LARS2: variants seen among roughly 807,000 people sequenced by gnomAD.
LARS2 encodes the protein leucyl-tRNA synthetase 2, mitochondrial.
In LARS2, 81 loss-of-function variants were observed where a neutral mutation model predicts 116.6. The ratio of observed to expected loss-of-function variants is 0.69; its 90% CI spans 0.58 to 0.84. The LOEUF is 0.84. Among genes scored for constraint, LARS2 ranks in the 40% least tolerant of loss-of-function variants. The probability of loss-of-function intolerance (pLI) is 0.00; values close to 1 mark genes in which losing one functional copy is unlikely to be tolerated. For missense variants in LARS2, 968 were observed against 1,114.5 expected (o/e 0.87, Z 1.87); for synonymous variants, 396 against 407.2 (o/e 0.97, Z 0.33).
intron 7 of LARS2, among the ~76,000 whole-genome samples, chr3:45,457,741 C>G (rs1040936194): frequency 2.6e-5 from 4 of 152,166 alleles, no homozygotes; most frequent in African/African-American, 9.7e-5. Context: ...CCCCAACACA[C>G]CCCTCTGTAC....
intron 4 of LARS2, among the ~76,000 whole-genome samples, chr3:45,409,047 G>A (rs1698282403): frequency 6.6e-6 from 1 of 152,066 alleles, no homozygotes; most frequent in South Asian, 2.1e-4. Flanking sequence ...ATTTCAAAGT[G>A]TATTTTCAGT....
rs1028311134 is a variant in LARS2 at position 45,488,082 on chromosome 3, A to G, written c.1124-615A>G. ...AAGAAAGAGGCTTCCACAAATGCTT[A>G]TAATTTTTAGTGGCAAAAAAAAGCA... On this transcript the variant is annotated intron_variant, in intron 11 of 21. Coordinates refer to ENST00000645846, the MANE Select transcript of LARS2 (RefSeq NM_015340.4). Among the ~76,000 whole-genome samples the G allele has an allele frequency of 1.0e-3, 159 of 152,238 alleles. 1 individual carries two copies. Among genetic ancestry groups the G allele is most frequent in the African/African-American group, 3.5e-3 (145 of 41,540 alleles).
chr3:45,505,855 G>A (rs191461370), intron 15 of LARS2, among the ~76,000 whole-genome samples: 11 of 152,144 alleles, frequency 7.2e-5, no homozygotes, highest in Admixed American at 5.2e-4. Context: ...AGTATCCTAA[G>A]GTATAGGACA....
In LARS2 at chr3:45,458,610, C is replaced by G. The variant is rs1035667964; in HGVS notation, c.607-133C>G. The stretch of plus-strand genomic sequence containing the variant: ...GCTGAGGCAGGAGAATCACAGGAAC[C>G]TAGGAGGTGGAGGTTGCAGTGAGTC... On this transcript the variant is annotated intron_variant, in intron 7 of 21. Coordinates refer to ENST00000645846, the MANE Select transcript of LARS2 (RefSeq NM_015340.4). 5.0e-6 allele frequency: 4 copies of G among 803,458 alleles called. No individual in the cohort carries two copies. In the African/African-American group the frequency reaches 6.9e-5, roughly 14 times the overall value. The allele number at this position is 803,458 out of a possible 1,614,324, so 49.8% of individuals were successfully genotyped here. A position where few individuals can be genotyped will look rare whatever the true frequency, so the allele number is the denominator to read the frequency against.
chr3:45,544,226 CAA>C (rs1023482756), intron 21 of LARS2, among the ~76,000 whole-genome samples: 5 of 152,254 alleles, frequency 3.3e-5, no homozygotes, highest in Non-Finnish European at 5.9e-5. Context: ...GATACAGAGA[CAA>C]GAGCTACCGC....
chr3:45,446,120 C>A (rs1482053587), intron 6 of LARS2, among the ~76,000 whole-genome samples: 1 of 152,152 alleles, frequency 6.6e-6, no homozygotes, highest in Non-Finnish European at 1.5e-5. Context: ...TTGAAACATT[C>A]CCTCCCATCA....
intron 17 of LARS2, among the ~76,000 whole-genome samples, chr3:45,516,827 C>G (rs775317935): frequency 6.6e-6 from 1 of 152,158 alleles, no homozygotes; most frequent in Non-Finnish European, 1.5e-5. Context: ...TTCATCTCCC[C>G]ACTTAGGGGA....
intron 4 of LARS2, among the ~76,000 whole-genome samples, chr3:45,402,873 A>G (rs1030120059): frequency 1.3e-5 from 2 of 152,026 alleles, no homozygotes; most frequent in Non-Finnish European, 2.9e-5. Context: ...TGGGAGGCCG[A>G]AGTGGGCAGA....
chr3:45,448,492 AAC>A (rs369907676), intron 7 of LARS2, among the ~76,000 whole-genome samples: 3 of 151,546 alleles, frequency 2.0e-5, no homozygotes, highest in South Asian at 2.1e-4. Context: ...AGAGGAATTA[AAC>A]ACACACACAC....
intron 6 of LARS2, among the ~76,000 whole-genome samples, chr3:45,430,903 G>T (rs1698701444): frequency 6.6e-6 from 1 of 152,090 alleles, no homozygotes. Flanking sequence ...ATTTTTTAAT[G>T]GTTGTTATGG....
At chr3:45,504,861 C>T (rs1700175529) in intron 15 of LARS2, among the ~76,000 whole-genome samples, 1 of 151,128 alleles carries the variant, frequency 6.6e-6, no homozygotes, top group African/African-American at 2.4e-5. Context: ...GGGTGGATTG[C>T]TTGAGGTCAG....
chr3:45,398,335 G>C (rs1187314055), intron 3 of LARS2, among the ~76,000 whole-genome samples: 1 of 152,122 alleles, frequency 6.6e-6, no homozygotes. Context: ...ATTATATTTG[G>C]TTTATGTGTA....
At chr3:45,480,764 A>C (rs1699685399) in intron 10 of LARS2, among the ~76,000 whole-genome samples, 4 of 152,234 alleles carry the variant, frequency 2.6e-5, no homozygotes, top group Admixed American at 2.6e-4. Flanking sequence ...ATCTGCTAAT[A>C]TTTAAGTTCA....
chr3:45,462,309 A>G (rs901008032), intron 8 of LARS2, among the ~76,000 whole-genome samples: 1 of 152,046 alleles, frequency 6.6e-6, no homozygotes, highest in Middle Eastern at 3.2e-3. Flanking sequence ...AGGGCTGGGT[A>G]CCGTGGCTCA....
intron 20 of LARS2, among the ~76,000 whole-genome samples, chr3:45,540,539 G>A (rs532692202): frequency 6.6e-6 from 1 of 152,188 alleles, no homozygotes; most frequent in Non-Finnish European, 1.5e-5. Flanking sequence ...GGTGTCAAAG[G>A]GCCAGTTCCA....
rs534487592 is a variant in LARS2, at chr3:45,438,382, C to CT, written c.517-8508dup. ...AGAGACCTGGTTACTGGTTTTGCTTCTGCCACCCAGGAGCTGGGCAGCTTT... is the reference window on the plus strand; with the variant it reads ...AGAGACCTGGTTACTGGTTTTGCTTCTTGCCACCCAGGAGCTGGGCAGCTTT... On this transcript the variant is annotated intron_variant, in intron 6 of 21. Coordinates refer to ENST00000645846, the MANE Select transcript of LARS2 (RefSeq NM_015340.4). Among the ~76,000 whole-genome samples the CT allele has an allele frequency of 3.3e-5, 5 of 152,214 alleles. No individual in the cohort carries two copies. The South Asian group carries it at 8.3e-4, about 25-fold the overall frequency.
chr3:45,444,413 C>T (rs1208340874), intron 6 of LARS2, among the ~76,000 whole-genome samples: 1 of 148,544 alleles, frequency 6.7e-6, no homozygotes, highest in African/African-American at 2.5e-5. Context: ...CCTGTAATCC[C>T]AGCACTTTGG....
chr3:45,536,862 A>G (rs1034713119), intron 20 of LARS2, among the ~76,000 whole-genome samples: 4 of 152,206 alleles, frequency 2.6e-5, no homozygotes, highest in Non-Finnish European at 4.4e-5. Context: ...TGACATGTCT[A>G]CCTTTATAGA....
intron 2 of LARS2, among the ~76,000 whole-genome samples, chr3:45,392,008 A>AT (rs1447480032): frequency 1.3e-5 from 2 of 152,230 alleles, no homozygotes; most frequent in Non-Finnish European, 2.9e-5. Context: ...GCAAGCATCC[A>AT]TCTATGTGTC....
Sources: allele counts gnomAD v4.1 joint callset (sites outside exome capture counted in the v4.1 genomes callset), GRCh38; gene constraint gnomAD v4.1.1; transcripts MANE v1.5; gene names NCBI Gene and HGNC (gene_info 2026-07-23, HGNC 2026-07-21).